The following KCNH7 variants were observed in gnomAD, a reference collection of about 807,000 sequenced individuals.
KCNH7 encodes voltage-gated inwardly rectifying potassium channel KCNH7.
A neutral mutation model predicts 120.8 loss-of-function variants in KCNH7; 49 were observed. That is an observed-to-expected ratio of 0.41 (90% CI 0.32 to 0.51). The LOEUF is 0.51. Ranked by LOEUF, KCNH7 falls within the 20% of genes least tolerant of loss-of-function variation. The pLI, the probability that KCNH7 is intolerant of heterozygous loss-of-function variation, is 0.38. For synonymous variants in KCNH7, 547 were observed against 516.1 expected, an observed-to-expected ratio of 1.06 and a Z score of -0.81; for missense variants, 1,097 against 1,446.6, an observed-to-expected ratio of 0.76 and a Z score of 3.92.
intron 2 of KCNH7, among the ~76,000 whole-genome samples, chr2:162,661,623 A>G (rs567745082): frequency 6.6e-6 from 1 of 152,150 alleles, no homozygotes; most frequent in Non-Finnish European, 1.5e-5. Context: ...TGGAGGCTCA[A>G]TGTCTGTGGT....
intron 6 of KCNH7, among the ~76,000 whole-genome samples, chr2:162,453,469 G>A (rs1013478988): frequency 6.6e-6 from 1 of 152,080 alleles, no homozygotes; most frequent in Non-Finnish European, 1.5e-5. Context: ...AATCCTTTGG[G>A]GATATACCCA....
intron 2 of KCNH7, chr2:162,795,899 G>A (rs1057174350): frequency 3.3e-5 from 5 of 152,120 alleles, no homozygotes; most frequent in South Asian, 4.1e-4. Context: ...ATTACAGTCC[G>A]ATGTTGGGTA....
Position 162,423,317 on chromosome 2 carries a change from G to A in KCNH7, c.2154+19C>T, listed in dbSNP as rs777798833. 1.2e-6 allele frequency: 2 copies of A among 1,613,940 alleles called. No individual in the cohort carries two copies. Among genetic ancestry groups the A allele is most frequent in the South Asian group, 2.2e-5 (2 of 91,066 alleles). On this transcript the variant is annotated intron_variant, in intron 9 of 15. Transcript: ENST00000332142. The stretch of plus-strand genomic sequence containing the variant: ...ATAATGCCTGCGGCACTTTCATTTT[G>A]GAAAACAGACATACATACCATGTTC...
Position 162,562,443 on chromosome 2 carries a change from T to C in KCNH7, c.308-25363A>G, listed in dbSNP as rs374898253. Among the ~76,000 whole-genome samples, 691 of 152,196 alleles carry C rather than the reference T, an allele frequency of 4.5e-3. 6 individuals are homozygous for C. The highest frequency in any genetic ancestry group is 0.016 in the African/African-American group (659 of 41,530). ...ACTGTGCAGATCCCTAATATGGAGGTTGGGCATCCTGTGTCCTGTTCTGAA... is the reference window on the plus strand; with the variant it reads ...ACTGTGCAGATCCCTAATATGGAGGCTGGGCATCCTGTGTCCTGTTCTGAA... On this transcript the variant is annotated intron_variant, in intron 2 of 15. Coordinates refer to ENST00000332142, the MANE Select transcript of KCNH7 (RefSeq NM_033272.4).
chr2:162,449,389 C>G (rs1688690754), intron 6 of KCNH7, among the ~76,000 whole-genome samples: 1 of 151,928 alleles, frequency 6.6e-6, no homozygotes, highest in South Asian at 2.1e-4. Flanking sequence ...GCTTATAACT[C>G]TTAATATGAC....
intron 6 of KCNH7, among the ~76,000 whole-genome samples, chr2:162,479,551 G>T (rs1378192007): frequency 1.3e-5 from 2 of 151,990 alleles, no homozygotes; most frequent in Non-Finnish European, 2.9e-5. Context: ...CATTTTTATA[G>T]ATTAGAAATG....
chr2:162,552,052 A>T (rs1692686393), intron 2 of KCNH7, among the ~76,000 whole-genome samples: 3 of 152,180 alleles, frequency 2.0e-5, no homozygotes, highest in Admixed American at 1.3e-4. Context: ...AAAACAAAGG[A>T]CAGAAATTGT....
At chr2:162,829,221 G>C (rs2105612040) in intron 2 of KCNH7, among the ~76,000 whole-genome samples, 1 of 152,204 alleles carries the variant, frequency 6.6e-6, no homozygotes, top group East Asian at 1.9e-4. Context: ...CTTCTTGGTA[G>C]TTCAGTACTA....
intron 2 of KCNH7, among the ~76,000 whole-genome samples, chr2:162,674,682 C>T (rs959255322): frequency 2.6e-5 from 4 of 151,548 alleles, no homozygotes; most frequent in Non-Finnish European, 4.4e-5. Context: ...ATTACAGAAA[C>T]ATTTCCATAC....
chr2:162,705,229 T>C (rs928444831), intron 2 of KCNH7, among the ~76,000 whole-genome samples: 2 of 152,144 alleles, frequency 1.3e-5, no homozygotes, highest in East Asian at 1.9e-4. Context: ...TGGGGTTTTA[T>C]TGGAACCATA....
intron 2 of KCNH7, among the ~76,000 whole-genome samples, chr2:162,584,031 A>C (rs1693953821): frequency 6.6e-6 from 1 of 152,132 alleles, no homozygotes; most frequent in Admixed American, 6.5e-5. Context: ...TCATAGTAAA[A>C]TATATAGATA....
chr2:162,809,841 T>G (rs1212749332), intron 2 of KCNH7, among the ~76,000 whole-genome samples: 1 of 152,140 alleles, frequency 6.6e-6, no homozygotes, highest in Non-Finnish European at 1.5e-5. Flanking sequence ...GTAAAAGTTT[T>G]TATAATTTTA....
intron 2 of KCNH7, among the ~76,000 whole-genome samples, chr2:162,681,895 A>C (rs1464193314): frequency 6.6e-6 from 1 of 151,586 alleles, no homozygotes; most frequent in African/African-American, 2.4e-5. Context: ...CTTATAAAAC[A>C]AAAGTCATGA....
chr2:162,780,946 T>C (rs146064621), intron 2 of KCNH7, among the ~76,000 whole-genome samples: 95 of 152,276 alleles, frequency 6.2e-4, no homozygotes, highest in African/African-American at 2.2e-3. Flanking sequence ...CATCATTGTT[T>C]AATTTAAGAG....
intron 2 of KCNH7, among the ~76,000 whole-genome samples, chr2:162,675,129 T>C (rs1049846892): frequency 1.1e-4 from 17 of 151,574 alleles, no homozygotes; most frequent in Admixed American, 7.3e-4. Flanking sequence ...GAACAAGATA[T>C]ATTATGTTCT....
chr2:162,502,600 T>A (rs954244059), intron 6 of KCNH7, among the ~76,000 whole-genome samples: 4 of 152,102 alleles, frequency 2.6e-5, no homozygotes, highest in Non-Finnish European at 4.4e-5. Flanking sequence ...CTTCTAGATC[T>A]GGCTTAAATG....
intron 2 of KCNH7, among the ~76,000 whole-genome samples, chr2:162,592,977 A>C (rs913254700): frequency 2.0e-5 from 3 of 152,052 alleles, no homozygotes; most frequent in African/African-American, 7.2e-5. Flanking sequence ...ATTTTTATTT[A>C]AATCATTTAG....
At chr2:162,546,169 T>C (rs1692470381) in intron 2 of KCNH7, among the ~76,000 whole-genome samples, 1 of 152,162 alleles carries the variant, frequency 6.6e-6, no homozygotes, top group South Asian at 2.1e-4. Flanking sequence ...TTTTGGAGCT[T>C]TGTGGATTGA....
intron 2 of KCNH7, among the ~76,000 whole-genome samples, chr2:162,732,320 G>A (rs1380119441): frequency 6.6e-6 from 1 of 152,130 alleles, no homozygotes; most frequent in Non-Finnish European, 1.5e-5. Context: ...TCAAGGACCT[G>A]TGAAACCAAA....
Sources: gnomAD v4.1 joint callset for allele counts (sites outside exome capture counted in the v4.1 genomes callset) on GRCh38, gnomAD v4.1.1 for gene constraint, MANE v1.5 for transcripts, NCBI Gene and HGNC (gene_info 2026-07-23, HGNC 2026-07-21) for gene names.